Variants in POLR2F observed in about 807,000 individuals in gnomAD.
The protein encoded by POLR2F is DNA-directed RNA polymerases I, II, and III subunit RPABC2.
Under a neutral mutation model 22.7 loss-of-function variants are expected in POLR2F, and 12 were observed. That is an observed-to-expected ratio of 0.53 (90% CI 0.34 to 0.86). POLR2F has a LOEUF of 0.86. POLR2F is among the 40% of genes least tolerant of loss of function. POLR2F has a pLI of 0.02. For missense variants in POLR2F, 126 were observed against 171.5 expected (o/e 0.73, Z 1.48); for synonymous variants, 57 against 66.0 (o/e 0.86, Z 0.66).
chr22:37,982,346 C>T (rs539273229), upstream of POLR2F, among the ~76,000 whole-genome samples: 2 of 152,328 alleles, frequency 1.3e-5, no homozygotes, highest in African/African-American at 4.8e-5. Flanking sequence ...TACCGGCTCA[C>T]ATCTCCTGGA....
intron 1 of POLR2F, among the ~76,000 whole-genome samples, chr22:37,996,917 G>A (rs866271529): frequency 3.9e-5 from 6 of 152,172 alleles, no homozygotes; most frequent in African/African-American, 1.4e-4. Flanking sequence ...AGGCACTACT[G>A]CCATAGATGG....
chr22:38,010,268 G>T (rs1284372329), intron 1 of POLR2F, among the ~76,000 whole-genome samples: 1 of 151,976 alleles, frequency 6.6e-6, no homozygotes, highest in Admixed American at 6.6e-5. Context: ...CCAGCTACTC[G>T]GGAGGCTGAG....
upstream of POLR2F, among the ~76,000 whole-genome samples, chr22:37,982,265 T>C (rs537124958): frequency 6.6e-6 from 1 of 152,290 alleles, no homozygotes; most frequent in African/African-American, 2.4e-5. Flanking sequence ...CCAACTTCTA[T>C]GTGACCTTTG....
At chr22:37,971,320 C>T (rs757497849), downstream of POLR2F, 26 of 470,788 alleles carry the variant, frequency 5.5e-5, no homozygotes, top group South Asian at 9.3e-5. Flanking sequence ...AGATAACGAT[C>T]GGACCTACCC....
downstream of POLR2F, chr22:37,974,036 G>T: frequency 6.2e-7 from 1 of 1,613,996 alleles, no homozygotes; most frequent in South Asian, 1.1e-5. The surrounding 1 kb of genome is among the most constrained non-coding windows in gnomAD (Gnocchi z 5.4). Context: ...CTCCATGTTG[G>T]ACATTACCTC....
chr22:38,003,367 C>T (rs1381831180), intron 1 of POLR2F, among the ~76,000 whole-genome samples: 2 of 152,128 alleles, frequency 1.3e-5, no homozygotes, highest in Non-Finnish European at 2.9e-5. Flanking sequence ...GCTGGAATTA[C>T]AGGTGCGTGT....
chr22:37,987,016 C>T (rs1284558427), intron 1 of POLR2F: 1 of 456,114 alleles, frequency 2.2e-6, no homozygotes, highest in Non-Finnish European at 4.4e-6. Context: ...TTTACCCCCT[C>T]ATTCTTGACC....
At chr22:37,994,049 A>G (rs1929477358) in intron 1 of POLR2F, among the ~76,000 whole-genome samples, 1 of 152,220 alleles carries the variant, frequency 6.6e-6, no homozygotes, top group Non-Finnish European at 1.5e-5. Context: ...AAGACCTAGT[A>G]GTTGCCTCTT....
chr22:37,986,481 C>T lies in POLR2F; in HGVS notation c.120+169C>T, dbSNP rs560737327. The T allele has an allele frequency of 7.7e-6, 11 of 1,427,588 alleles. No homozygotes were observed. The Admixed American group carries it at 1.6e-4, about 20-fold the overall frequency. 88.4% of individuals were successfully genotyped at this position (1,427,588 alleles called of 1,614,324 possible). ...GGTGGAATGTGGGGTCCCACAGCTG[C>T]CCCCTCTCTAACTCCCTGCTTCCTC... On this transcript the variant is annotated intron_variant, in intron 1 of 2. Coordinates refer to the POLR2F transcript ENST00000333418. The surrounding 1 kb of genome is among the most constrained non-coding windows in gnomAD (Gnocchi z 4.7).
At chr22:38,026,207 A>C in intron 2 of POLR2F, 1 of 532,768 alleles carries the variant, frequency 1.9e-6, no homozygotes, top group South Asian at 1.4e-5. Flanking sequence ...CCTCCTGAGC[A>C]CTGAAGCCCT....
chr22:38,009,217 A>G (rs1473393559), intron 1 of POLR2F, among the ~76,000 whole-genome samples: 2 of 152,214 alleles, frequency 1.3e-5, no homozygotes, highest in Non-Finnish European at 2.9e-5. Context: ...CTGTGGCGAC[A>G]TGGGCTCGTA....
At chr22:37,987,100 C>T (rs1461240357) in intron 1 of POLR2F, 1 of 456,718 alleles carries the variant, frequency 2.2e-6, no homozygotes, top group Admixed American at 2.3e-5. Context: ...GGGTTTGTCA[C>T]CGTCCATGGC....
upstream of POLR2F, among the ~76,000 whole-genome samples, chr22:37,985,818 AACACACACAC>A (rs60447362): frequency 1.1e-3 from 166 of 144,458 alleles, no homozygotes; most frequent in East Asian, 2.3e-3. Flanking sequence ...CAGACACTGG[AACACACACAC>A]ACACACACAC....
At chr22:37,977,103 G>T (rs1465377736) in intron 4 of POLR2F, among the ~76,000 whole-genome samples, 2 of 150,494 alleles carry the variant, frequency 1.3e-5, no homozygotes, top group Admixed American at 6.6e-5. Flanking sequence ...GGGAGGAAAA[G>T]GTTGCAGTGC....
chr22:38,006,063 A>C (rs538772045), intron 1 of POLR2F, among the ~76,000 whole-genome samples: 1 of 152,222 alleles, frequency 6.6e-6, no homozygotes, highest in Admixed American at 6.5e-5. Context: ...TCTCTATTGA[A>C]AAAAAATATT....
chr22:38,038,919 G>C (rs1008125840), intron 5 of POLR2F, among the ~76,000 whole-genome samples: 1 of 152,100 alleles, frequency 6.6e-6, no homozygotes, highest in East Asian at 1.9e-4. Context: ...CTTTCCCAGG[G>C]TTCTCGGGGC....
intron 1 of POLR2F, among the ~76,000 whole-genome samples, chr22:37,996,699 A>C (rs778365129): frequency 7.2e-5 from 11 of 152,072 alleles, no homozygotes; most frequent in Non-Finnish European, 1.0e-4. Flanking sequence ...CTCTGTCAGT[A>C]ATTGCTGTGT....
chr22:37,971,985 G>A (rs1201349747), downstream of POLR2F, among the ~76,000 whole-genome samples: 4 of 151,358 alleles, frequency 2.6e-5, no homozygotes, highest in East Asian at 7.8e-4. Context: ...TGGGATGCCA[G>A]CTGTCCTAAC....
intron 1 of POLR2F, among the ~76,000 whole-genome samples, chr22:37,995,893 G>A (rs564438443): frequency 6.6e-6 from 1 of 152,088 alleles, no homozygotes; most frequent in East Asian, 1.9e-4. Context: ...CCAGCTACTC[G>A]GGAAGCTGAG....
Sources: gnomAD v4.1 joint callset for allele counts (sites outside exome capture counted in the v4.1 genomes callset) on GRCh38, gnomAD v4.1.1 for gene constraint, Gnocchi (gnomAD v3.1) non-coding constraint, MANE v1.5 for transcripts, NCBI Gene and HGNC (gene_info 2026-07-23, HGNC 2026-07-21) for gene names.